ACADVL: variants seen among roughly 807,000 people sequenced by gnomAD.
ACADVL encodes very long-chain acyl-CoA dehydrogenase, mitochondrial.
Under a neutral mutation model 80.4 loss-of-function variants are expected in ACADVL, and 73 were observed. The ratio of observed to expected loss-of-function variants is 0.91; its 90% CI spans 0.75 to 1.10. ACADVL has a LOEUF of 1.10. ACADVL is among the 50% of genes least tolerant of loss of function. The pLI is 0.00. For missense variants in ACADVL, 878 were observed against 858.9 expected (o/e 1.02, Z -0.28); for synonymous variants, 392 against 326.5 (o/e 1.20, Z -2.16).
In ACADVL at chr17:7,224,415, A is replaced by G. The variant is rs1052646012; in HGVS notation, c.1605+22A>G. 39 of 1,613,700 alleles carry G rather than the reference A, an allele frequency of 2.4e-5. 1 individual carries two copies. In the Admixed American group the frequency reaches 5.7e-4, roughly 23 times the overall value. ...GCTGGTAAGTGGCCAGGGGTCCAGG[A>G]GAGCCTGCATCAGGGACTGCAGCCG... is the stretch of plus-strand genomic sequence containing the variant. On this transcript the variant is annotated intron_variant, in intron 16 of 19. Transcript: ENST00000356839.
rs545215807 is a variant in ACADVL, at chr17:7,221,613, G to T, written c.553G>T (p.Gly185Cys). ...TACCCTGGGGGCCCATCAGAGCATC[G>T]GTTTCAAAGGCATCCTGCTCTTTGG... ...GITLGAHQSI[G>C]FKGILLFGTK... The change falls in exon 7 of 20, where the codon GGT becomes TGT. Residue 185 changes from glycine (G) to cysteine (C), a missense_variant. By Grantham distance (159) the Gly-to-Cys change is radical. Transcript: ENST00000356839. 2 of 1,614,086 alleles carry T rather than the reference G, an allele frequency of 1.2e-6. No homozygotes were observed. Among genetic ancestry groups the T allele is most frequent in the Non-Finnish European group, 1.7e-6 (2 of 1,180,024 alleles).
chr17:7,218,856 C>G, upstream of ACADVL: 1 of 1,613,670 alleles, frequency 6.2e-7, no homozygotes. Flanking sequence ...ACATCTCTCT[C>G]TTCTCTCACT....
chr17:7,225,002 C>T lies in ACADVL; in HGVS notation c.1873C>T (p.Pro625Ser), dbSNP rs377044444. 3.1e-6 allele frequency: 5 copies of T among 1,614,110 alleles called. No individual in the cohort carries two copies. Among genetic ancestry groups the T allele is most frequent in the Non-Finnish European group, 3.4e-6 (4 of 1,180,030 alleles). ...GGGCATGGCCGCCCTGCAGTCTGAC[C>T]CCTGGCAGCAAGAGCTCTACCGCAA... ...REGMAALQSD[P>S]WQQELYRNFK... is the part of the protein sequence containing the mutation. The change falls in exon 20 of 20, where the codon CCC (proline) becomes TCC (serine). Residue 625 changes from proline to serine, a missense_variant. Transcript: ENST00000356839.
chr17:7,217,440 G>T, upstream of ACADVL: 1 of 318,710 alleles, frequency 3.1e-6, no homozygotes, highest in Non-Finnish European at 5.4e-6. Context: ...GGCAGCCCCG[G>T]AGTTCGGGGG....
chr17:7,221,412 A>T, intron 6 of ACADVL, 126 bp from the exon 7 acceptor site: 2 of 1,443,842 alleles, frequency 1.4e-6, no homozygotes, highest in Non-Finnish European at 1.9e-6. Flanking sequence ...GGGATGGCCC[A>T]GGTCAGGCAC....
upstream of ACADVL, chr17:7,218,269 T>C (rs1206506625): frequency 1.2e-6 from 2 of 1,609,500 alleles, no homozygotes; most frequent in African/African-American, 2.7e-5. Context: ...AGCCTCATAA[T>C]AGTCCAGGAT....
chr17:7,218,379 G>A, upstream of ACADVL: 1 of 1,432,498 alleles, frequency 7.0e-7, no homozygotes. Flanking sequence ...CAAGGGAGGA[G>A]CCCTTTCAGC....
rs2071266041 is a variant in ACADVL, at chr17:7,222,218, C to T, written c.794C>T (p.Thr265Ile). ...GACATCTTCACGGTCTTTGCCAAGA[C>T]ACCAGTTACAGATCCAGCCACAGGA... ...LADIFTVFAK[T>I]PVTDPATGAV... Residue 265 changes from threonine to isoleucine, a missense_variant, in exon 9 of 20, where the codon ACA becomes ATA. Thr to Ile is a moderately conservative substitution (Grantham distance 89, BLOSUM62 -1). Coordinates refer to ENST00000356839, the MANE Select transcript of ACADVL (RefSeq NM_000018.4). 1.2e-6 allele frequency: 2 copies of T among 1,613,986 alleles called. No individual in the cohort carries two copies. Among genetic ancestry groups the T allele is most frequent in the African/African-American group, 1.3e-5 (1 of 74,902 alleles).
intron 2 of ACADVL, 62 bp from the exon 3 acceptor site, chr17:7,220,402 T>G (rs954670873): frequency 6.2e-7 from 1 of 1,609,162 alleles, no homozygotes; most frequent in African/African-American, 1.3e-5. Flanking sequence ...GGCTCTCGCC[T>G]GTTCTCCCCT....
chr17:7,223,258 T>C lies in ACADVL; in HGVS notation c.1182+21T>C, dbSNP rs892277548. The C allele has an allele frequency of 3.1e-6, 5 of 1,593,048 alleles. No homozygotes were observed. In the African/African-American group the frequency reaches 4.0e-5, roughly 13 times the overall value. On this transcript the variant is annotated intron_variant, in intron 11 of 19. Coordinates refer to ENST00000356839, the MANE Select transcript of ACADVL (RefSeq NM_000018.4). ...CTGAGGTGAGGGCCTCCCAAGCCCC[T>C]CTCCCTGGAGCCCTGGGGCTTTCTT...
At position 7,222,865 on chromosome 17, in the gene ACADVL, G is replaced by A. The variant is rs779458466; in HGVS notation, c.1077G>A (p.Ala359=). 1.2e-5 allele frequency: 20 copies of A among 1,610,946 alleles called. No homozygotes were observed. Among genetic ancestry groups the A allele is most frequent in the East Asian group, 6.7e-5 (3 of 44,898 alleles). ...CCATGAGAGGCATCATTGCTAAGGC[G>A]GTGAGTACCCTGCCCGAGTCCCTAG... The part of the protein sequence containing the change: ...AGTMRGIIAK[A]VDHATNRTQF... Residue 359 remains alanine, a splice_region_variant and synonymous_variant, in exon 10 of 20, where the codon GCG becomes GCA. Transcript: ENST00000356839.
In ACADVL at chr17:7,225,065, G is replaced by A. The variant is rs2071414674; in HGVS notation, c.1936G>A (p.Gly646Ser). Residue 646 changes from glycine (G) to serine (S), a missense_variant, in exon 20 of 20, where the codon GGT becomes AGT. Coordinates refer to ENST00000356839, the MANE Select transcript of ACADVL (RefSeq NM_000018.4). ...CTCCAAGGCCTTGGTGGAGCGGGGT[G>A]GTGTGGTCACCAGCAACCCACTTGG... ...SISKALVERG[G>S]VVTSNPLGF 9 of 1,614,120 alleles carry A rather than the reference G, an allele frequency of 5.6e-6. No individual in the cohort carries two copies. Among genetic ancestry groups the A allele is most frequent in the Non-Finnish European group, 7.6e-6 (9 of 1,180,030 alleles).
At chr17:7,221,796 T>C (rs923116407) in intron 7 of ACADVL, 114 bp downstream of exon 7, 44 of 1,593,878 alleles carry the variant, frequency 2.8e-5, no homozygotes, top group African/African-American at 1.2e-4. Context: ...GGGGAAGGTT[T>C]TGGGGAGGCA....
intron 18 of ACADVL, 38 bp downstream of exon 18, chr17:7,224,752 G>A (rs780936261): frequency 8.1e-6 from 13 of 1,612,708 alleles, no homozygotes; most frequent in Non-Finnish European, 6.8e-6. Flanking sequence ...GCCGCAGGGG[G>A]CCTGGGCCTG....
At chr17:7,221,492 T>C (rs1185959865) in intron 6 of ACADVL, 46 bp from the exon 7 acceptor site, 1 of 1,612,414 alleles carries the variant, frequency 6.2e-7, no homozygotes, top group Non-Finnish European at 8.5e-7. Context: ...TAAGGTCAGG[T>C]CCCCCTGCAG....
intron 7 of ACADVL, 89 bp from the exon 8 acceptor site, chr17:7,221,863 G>T: frequency 6.2e-7 from 1 of 1,607,108 alleles, no homozygotes; most frequent in Non-Finnish European, 8.5e-7. Flanking sequence ...GTGTTAAGGG[G>T]GAACTGCCTG....
At position 7,222,006 on chromosome 17, in the gene ACADVL, C is replaced by T; in HGVS notation, c.677C>T (p.Ala226Val). The T allele has an allele frequency of 6.2e-7, 1 of 1,614,090 alleles. No homozygotes were observed. The highest frequency in any genetic ancestry group is 1.3e-5 in the African/African-American group (1 of 75,008). Reference protein sequence around the residue: ...LTEPSSGSDAASIRTSAVPSP... With the variant: ...LTEPSSGSDAVSIRTSAVPSP... Reference sequence around the variant, plus strand: ...GAGCCCTCAAGCGGGTCAGATGCAGCCTCCATCCGAACCTCTGCTGTGCCC... The same window carrying T: ...GAGCCCTCAAGCGGGTCAGATGCAGTCTCCATCCGAACCTCTGCTGTGCCC... Residue 226 changes from alanine to valine, a missense_variant, in exon 8 of 20, where the codon GCC becomes GTC. Coordinates refer to ENST00000356839, the MANE Select transcript of ACADVL (RefSeq NM_000018.4).
In ACADVL at chr17:7,224,795, C is replaced by T. The variant is rs758891902; in HGVS notation, c.1752-14C>T. ...GCCGGCCCAGATTTATTTTCATCTC[C>T]TGCTTCCTGCCAGGGCCTCAAGATC... On this transcript the variant is annotated splice_polypyrimidine_tract_variant and intron_variant, in intron 18 of 19. Transcript: ENST00000356839. 1 of 1,614,050 alleles carries T rather than the reference C, an allele frequency of 6.2e-7. No homozygotes were observed. The highest frequency in any genetic ancestry group is 1.1e-5 in the South Asian group (1 of 91,088).
upstream of ACADVL, chr17:7,219,877 C>T (rs1247253915): frequency 5.2e-6 from 8 of 1,540,940 alleles, no homozygotes; most frequent in South Asian, 2.4e-5. Flanking sequence ...GTCCGCCGCC[C>T]GGTGCACTGT....
Sources: gnomAD v4.1 joint callset for allele counts on GRCh38, gnomAD v4.1.1 for gene constraint, MANE v1.5 for transcripts, NCBI Gene and HGNC (gene_info 2026-07-23, HGNC 2026-07-21) for gene names.